The following PCDH9 variants were observed in gnomAD, a reference collection of about 807,000 sequenced individuals.
PCDH9 encodes the protein protocadherin 9.
In PCDH9, 24 loss-of-function variants were observed where a neutral mutation model predicts 70.6. That is an observed-to-expected ratio of 0.34 (90% confidence interval 0.25 to 0.48). The LOEUF (loss-of-function observed/expected upper bound fraction) is 0.48, where lower values mean the gene tolerates loss of function less well. Among genes scored for constraint, PCDH9 ranks in the 20% least tolerant of loss-of-function variants. PCDH9 has a pLI of 0.99. For missense variants in PCDH9, 1,281 were observed against 1,503.6 expected, an observed-to-expected ratio of 0.85 and a Z score of 2.45; for synonymous variants, 562 against 558.5, an observed-to-expected ratio of 1.01 and a Z score of -0.09.
intron 4 of PCDH9, among the ~76,000 whole-genome samples, chr13:66,314,975 C>T (rs1955625096): frequency 6.6e-6 from 1 of 152,156 alleles, no homozygotes. Flanking sequence ...TCACATGAGT[C>T]CTTTATAAGC....
At chr13:66,404,302 C>G (rs2138304666) in intron 4 of PCDH9, among the ~76,000 whole-genome samples, 1 of 152,020 alleles carries the variant, frequency 6.6e-6, no homozygotes, top group Non-Finnish European at 1.5e-5. Context: ...AACAATAAAG[C>G]AAAGAAATTA....
At chr13:66,977,921 T>A (rs1018844289) in intron 2 of PCDH9, among the ~76,000 whole-genome samples, 1 of 152,142 alleles carries the variant, frequency 6.6e-6, no homozygotes, top group Non-Finnish European at 1.5e-5. Flanking sequence ...AAAAATATAA[T>A]GTTTAGAGGA....
At chr13:67,202,688 A>G (rs1163582735) in intron 2 of PCDH9, 1 of 152,160 alleles carries the variant, frequency 6.6e-6, no homozygotes, top group African/African-American at 2.4e-5. Flanking sequence ...AGTGAGGGGC[A>G]TAAAACTGTA....
chr13:66,516,474 T>A (rs553992328), intron 4 of PCDH9, among the ~76,000 whole-genome samples: 8 of 152,132 alleles, frequency 5.3e-5, no homozygotes, highest in Admixed American at 2.0e-4. Context: ...CTAAAAAAAA[T>A]TTATATATAA....
chr13:66,646,356 C>A (rs554527463), intron 3 of PCDH9, among the ~76,000 whole-genome samples: 1 of 152,080 alleles, frequency 6.6e-6, no homozygotes, highest in African/African-American at 2.4e-5. Context: ...AAATTATTAT[C>A]AAAATCATAC....
chr13:67,091,171 G>A (rs1285686784), intron 2 of PCDH9, among the ~76,000 whole-genome samples: 1 of 151,974 alleles, frequency 6.6e-6, no homozygotes, highest in Non-Finnish European at 1.5e-5. Context: ...TTGAACTCAA[G>A]TATTAATTTA....
chr13:67,078,586 A>G (rs1369354991), intron 2 of PCDH9, among the ~76,000 whole-genome samples: 1 of 152,160 alleles, frequency 6.6e-6, no homozygotes, highest in Non-Finnish European at 1.5e-5. Context: ...ATAAAATGGT[A>G]AGCTCAAATC....
At chr13:66,544,442 G>A (rs553015952) in intron 4 of PCDH9, among the ~76,000 whole-genome samples, 1 of 152,156 alleles carries the variant, frequency 6.6e-6, no homozygotes, top group Non-Finnish European at 1.5e-5. Flanking sequence ...CCAGGCAGGT[G>A]AGCCCCCGAA....
intron 2 of PCDH9, among the ~76,000 whole-genome samples, chr13:67,101,459 G>T (rs992821009): frequency 1.1e-4 from 16 of 152,200 alleles, no homozygotes; most frequent in Admixed American, 7.2e-4. Context: ...TTAGTTGCCA[G>T]TGAAGTAGGA....
intron 2 of PCDH9, among the ~76,000 whole-genome samples, chr13:67,179,144 G>T (rs1358492085): frequency 2.0e-5 from 3 of 151,898 alleles, no homozygotes; most frequent in Non-Finnish European, 4.4e-5. Flanking sequence ...GCACTGTGTT[G>T]GGTTGGCATT....
chr13:66,484,703 C>G (rs1958909491), intron 4 of PCDH9, among the ~76,000 whole-genome samples: 1 of 152,166 alleles, frequency 6.6e-6, no homozygotes, highest in African/African-American at 2.4e-5. Context: ...CGAGAGAGCA[C>G]TAGCTTCATG....
At chr13:66,951,121 G>T (rs774747146) in intron 2 of PCDH9, among the ~76,000 whole-genome samples, 2 of 152,118 alleles carry the variant, frequency 1.3e-5, no homozygotes, top group Admixed American at 1.3e-4. Context: ...ACACAGTGCC[G>T]CGTACAAATA....
chr13:66,861,828 T>C (rs562574856), intron 3 of PCDH9, among the ~76,000 whole-genome samples: 2 of 152,318 alleles, frequency 1.3e-5, no homozygotes, highest in South Asian at 4.1e-4. Context: ...CTTCATACAC[T>C]ACCATTAACA....
intron 3 of PCDH9, among the ~76,000 whole-genome samples, chr13:66,758,028 C>A (rs967027981): frequency 6.6e-6 from 1 of 151,848 alleles, no homozygotes; most frequent in Non-Finnish European, 1.5e-5. Flanking sequence ...ATGTTATTGG[C>A]ATAAGAATAA....
chr13:66,440,297 A>G (rs1174791408), intron 4 of PCDH9, among the ~76,000 whole-genome samples: 2 of 152,108 alleles, frequency 1.3e-5, no homozygotes, highest in Non-Finnish European at 2.9e-5. Flanking sequence ...CATGCAGGCC[A>G]ATTTTGAAGT....
intron 3 of PCDH9, among the ~76,000 whole-genome samples, chr13:66,711,060 G>A (rs1445775079): frequency 6.6e-6 from 1 of 152,068 alleles, no homozygotes; most frequent in Non-Finnish European, 1.5e-5. Flanking sequence ...TCTTCGGATA[G>A]GGAATATTTT....
rs546250971 is a variant in PCDH9, at chr13:67,040,087, G to A, written c.3037-136482C>T. On this transcript the variant is annotated intron_variant, in intron 2 of 4. Coordinates refer to ENST00000377865, the MANE Select transcript of PCDH9 (RefSeq NM_203487.3). ...TACACAATAGCAATCACATTAATGTGACTTGTTTACAAATATAAACATACA... is the reference window on the plus strand; with the variant it reads ...TACACAATAGCAATCACATTAATGTAACTTGTTTACAAATATAAACATACA... Among the ~76,000 whole-genome samples, 5 of 152,232 alleles carry A rather than the reference G, an allele frequency of 3.3e-5. No homozygotes were observed. The South Asian group carries it at 8.3e-4, about 25-fold the overall frequency.
At position 67,094,350 on chromosome 13, in the gene PCDH9, C is replaced by T. The variant is rs371322113; in HGVS notation, c.3036+131055G>A. ...TGCTGGTGTTATCATTTTCACCCTC[C>T]AGGCCAGATGTAGCTTAACACTATG... On this transcript the variant is annotated intron_variant, in intron 2 of 4. Transcript: ENST00000377865. Among the ~76,000 whole-genome samples, 153 of 152,268 alleles carry T rather than the reference C, an allele frequency of 1.0e-3. 7 individuals carry two copies. The South Asian group carries it at 0.031, about 31-fold the overall frequency.
intron 3 of PCDH9, among the ~76,000 whole-genome samples, chr13:66,639,964 T>A (rs2077687320): frequency 6.6e-6 from 1 of 152,110 alleles, no homozygotes; most frequent in South Asian, 2.1e-4. Flanking sequence ...GAATTTTGCA[T>A]CTATTAATGA....
Sources: allele counts gnomAD v4.1 joint callset (sites outside exome capture counted in the v4.1 genomes callset), GRCh38; gene constraint gnomAD v4.1.1; transcripts MANE v1.5; gene names NCBI Gene and HGNC (gene_info 2026-07-23, HGNC 2026-07-21).